Variants in SPEG observed in about 807,000 individuals in gnomAD.
The protein encoded by SPEG is striated muscle enriched protein kinase, also known as striated muscle preferentially expressed protein kinase.
A neutral mutation model predicts 300.4 loss-of-function variants in SPEG; 114 were observed. The ratio of observed to expected loss-of-function variants is 0.38; its 90% CI spans 0.33 to 0.44. The LOEUF (loss-of-function observed/expected upper bound fraction) is 0.44, where lower values mean the gene tolerates loss of function less well. Among genes scored for constraint, SPEG ranks in the 20% least tolerant of loss-of-function variants. The pLI, the probability that SPEG is intolerant of heterozygous loss-of-function variation, is 1.00. For missense variants in SPEG, 4,201 were observed against 4,586.2 expected, an observed-to-expected ratio of 0.92 and a Z score of 2.43; for synonymous variants, 1,964 against 2,018.9, an observed-to-expected ratio of 0.97 and a Z score of 0.73.
In SPEG at chr2:219,464,411, T is replaced by C. The variant is rs1482167592; in HGVS notation, c.2706-22T>C. On this transcript the variant is annotated intron_variant, in intron 8 of 40. Coordinates refer to ENST00000312358, the MANE Select transcript of SPEG (RefSeq NM_005876.5). This position sits in a 1 kb window ranked among gnomAD's most constrained non-coding sequence, Gnocchi z 4.5. ...ACATCAGGCCCCTGGGCCCTGGGAC[T>C]GAGTTCTTGCCCCTCTGACAGGCTG... The C allele has an allele frequency of 6.2e-7, 1 of 1,600,360 alleles. No individual in the cohort carries two copies. Among genetic ancestry groups the C allele is most frequent in the South Asian group, 1.1e-5 (1 of 90,226 alleles).
In SPEG at chr2:219,464,529, T is replaced by G. The variant is rs1338030366; in HGVS notation, c.2802T>G (p.Arg934=). The G allele has an allele frequency of 6.2e-7, 1 of 1,614,234 alleles. No homozygotes were observed. The highest frequency in any genetic ancestry group is 1.1e-5 in the South Asian group (1 of 91,092). The change falls in exon 9 of 41, where the codon CGT becomes CGG. Residue 934 remains arginine (R), a synonymous_variant. Transcript: ENST00000312358. The surrounding 1 kb of genome is among the most constrained non-coding windows in gnomAD (Gnocchi z 4.5). ...LCRLRILAAE[R]GDAGFYTCKA... is the part of the protein sequence containing the mutation. ...GGCTGCGGATCCTGGCTGCAGAGCG[T>G]GGCGATGCTGGTTTCTACACTTGCA...
rs1402560016 is a variant in SPEG, at chr2:219,473,444, G to C, written c.4148-60G>C. ...TGTTGATGAGGGGTGTTAGAGGAGT[G>C]GTGGGTGCTGAGGACCTGATGTCAA... On this transcript the variant is annotated intron_variant, in intron 16 of 40. Coordinates refer to ENST00000312358, the MANE Select transcript of SPEG (RefSeq NM_005876.5). The surrounding 1 kb of genome is among the most constrained non-coding windows in gnomAD (Gnocchi z 4.6). 3 of 1,522,340 alleles carry C rather than the reference G, an allele frequency of 2.0e-6. No individual in the cohort carries two copies. The Admixed American group carries it at 5.1e-5, about 26-fold the overall frequency. 94.3% of individuals were successfully genotyped at this position (1,522,340 alleles called of 1,614,324 possible). A position where few individuals can be genotyped will look rare whatever the true frequency, so the allele number is the denominator to read the frequency against.
At position 219,472,366 on chromosome 2, in the gene SPEG, A is replaced by G. The variant is rs1691960360; in HGVS notation, c.3940+35A>G. The G allele has an allele frequency of 5.1e-6, 8 of 1,574,296 alleles. No individual in the cohort carries two copies. In the East Asian group the frequency reaches 1.8e-4, roughly 35 times the overall value. On this transcript the variant is annotated intron_variant, in intron 15 of 40. Coordinates refer to ENST00000312358, the MANE Select transcript of SPEG (RefSeq NM_005876.5). ...GGCTGCACAGGGCCATGGGTGGGGAAGGGGTGTGGAGAAGGCAGGCTCAGG... is the reference window on the plus strand; with the variant it reads ...GGCTGCACAGGGCCATGGGTGGGGAGGGGGTGTGGAGAAGGCAGGCTCAGG...
At chr2:219,469,761 C>A (rs1691709488) in intron 13 of SPEG, among the ~76,000 whole-genome samples, 1 of 152,186 alleles carries the variant, frequency 6.6e-6, no homozygotes, top group Admixed American at 6.5e-5. Flanking sequence ...ACCTGGCAAG[C>A]AGCTGGGAGG....
intron 18 of SPEG, among the ~76,000 whole-genome samples, chr2:219,475,113 A>G (rs544767592): frequency 6.6e-6 from 1 of 152,114 alleles, no homozygotes; most frequent in Non-Finnish European, 1.5e-5. Flanking sequence ...TTTTTCCTTT[A>G]AAGATGTAGT....
chr2:219,489,111 C>A lies in SPEG; in HGVS notation c.8207C>A (p.Thr2736Asn). ...SGIPDCYYNV[T>N]HLPVGVTVRF... ...ATCCCCGACTGTTACTACAACGTGA[C>A]CCACCTGCCAGTTGGCGTGACTGTG... The change falls in exon 35 of 41, where the codon ACC becomes AAC. Residue 2736 changes from threonine to asparagine, a missense_variant. Thr to Asn is a moderately conservative substitution (Grantham distance 65). Transcript: ENST00000312358. The A allele has an allele frequency of 6.2e-7, 1 of 1,613,992 alleles. No homozygotes were observed. The highest frequency in any genetic ancestry group is 1.1e-5 in the South Asian group (1 of 91,084).
Position 219,493,019 on chromosome 2 carries a change from G to A in SPEG, c.*233G>A, listed in dbSNP as rs1358102297. The stretch of plus-strand genomic sequence containing the variant: ...GAGACCCATTGGTCAGGCTCAGCAG[G>A]GTGGGAACAGGCAGAGGGACAAGAG... On this transcript the variant is annotated 3_prime_UTR_variant, in exon 41 of 41. Coordinates refer to ENST00000312358, the MANE Select transcript of SPEG (RefSeq NM_005876.5). The A allele has an allele frequency of 2.9e-6, 2 of 699,664 alleles. No homozygotes were observed. The highest frequency in any genetic ancestry group is 2.0e-5 in the Admixed American group (1 of 49,848). The allele number at this position is 699,664 out of a possible 1,614,324, so 43.3% of individuals were successfully genotyped here. A position where few individuals can be genotyped will look rare whatever the true frequency, so the allele number is the denominator to read the frequency against.
chr2:219,491,141 T>C (rs1269122619), intron 38 of SPEG, among the ~76,000 whole-genome samples, 185 bp downstream of exon 38: 1 of 152,214 alleles, frequency 6.6e-6, no homozygotes, highest in Non-Finnish European at 1.5e-5. Flanking sequence ...TTAGCCCCCT[T>C]TTACAGATGA....
rs1369886972 is a variant in SPEG, at chr2:219,445,132, G to A, written c.786G>A (p.Leu262=). The A allele has an allele frequency of 2.5e-6, 4 of 1,587,206 alleles. No homozygotes were observed. Among genetic ancestry groups the A allele is most frequent in the South Asian group, 1.1e-5 (1 of 87,586 alleles). ...ASDLYGSAFS[L]YRGRALSIHV... ...ACCTGTACGGCAGCGCATTCAGCCT[G>A]TACAGAGGACGGGCGCTCTCTATCC... is the stretch of plus-strand genomic sequence containing the variant. Residue 262 remains leucine (L), a synonymous_variant, in exon 3 of 41, where the codon CTG becomes CTA. Transcript: ENST00000312358. The surrounding 1 kb of genome is among the most constrained non-coding windows in gnomAD (Gnocchi z 6.1).
intron 1 of SPEG, among the ~76,000 whole-genome samples, chr2:219,438,110 T>G (rs562090166): frequency 6.6e-6 from 1 of 151,716 alleles, no homozygotes; most frequent in African/African-American, 2.4e-5. Context: ...CCTGGAAAAT[T>G]TGGAGGATGG....
At chr2:219,442,998 A>C in intron 1 of SPEG, 1 of 879,216 alleles carries the variant, frequency 1.1e-6, no homozygotes. Context: ...TCACACACAC[A>C]CTGGCCAGGG....
intron 18 of SPEG, among the ~76,000 whole-genome samples, chr2:219,475,776 T>A (rs1022223345): frequency 1.3e-5 from 2 of 152,202 alleles, no homozygotes; most frequent in Non-Finnish European, 2.9e-5. Context: ...AGGGCTCTGA[T>A]GGGGCTGGGG....
rs756203339 is a variant in SPEG, at chr2:219,468,958, A to G, written c.3401A>G (p.Tyr1134Cys). 5 of 1,613,942 alleles carry G rather than the reference A, an allele frequency of 3.1e-6. No individual in the cohort carries two copies. The highest frequency in any genetic ancestry group is 4.2e-6 in the Non-Finnish European group (5 of 1,179,996). Residue 1134 changes from tyrosine to cysteine, a missense_variant, in exon 12 of 41, where the codon TAT (tyrosine) becomes TGT (cysteine). Around this residue, in one of 4 missense-constraint regions of SPEG, gnomAD observed 1,047 missense variants for 1,356.8 expected, o/e 0.77. Transcript: ENST00000312358. Reference sequence around the variant, plus strand: ...GTGGGCAGCGAGGACGAGGGGCTCTATGCGGTCAGTGCTGTTAACACCCAT... The same window carrying G: ...GTGGGCAGCGAGGACGAGGGGCTCTGTGCGGTCAGTGCTGTTAACACCCAT... ...AHVGSEDEGL[Y>C]AVSAVNTHGQ...
At chr2:219,463,931 G>A (rs1396147379) in intron 8 of SPEG, among the ~76,000 whole-genome samples, 1 of 152,018 alleles carries the variant, frequency 6.6e-6, no homozygotes, top group Admixed American at 6.6e-5. Context: ...AGACCAGCGT[G>A]GACAACATGG....
intron 13 of SPEG, 120 bp from the exon 14 acceptor site, chr2:219,471,748 G>T: frequency 7.9e-7 from 1 of 1,263,834 alleles, no homozygotes; most frequent in Non-Finnish European, 1.1e-6. Context: ...CCCCATCCTT[G>T]CCCACTCGCC....
intron 18 of SPEG, among the ~76,000 whole-genome samples, chr2:219,475,585 T>G (rs1692263942): frequency 1.3e-5 from 2 of 152,190 alleles, no homozygotes; most frequent in African/African-American, 2.4e-5. Context: ...TTGCCTGCCC[T>G]GTCCCTAGCA....
Position 219,481,572 on chromosome 2 carries a change from T to G in SPEG, c.5523-66T>G. 6.2e-7 allele frequency: 1 copy of G among 1,605,444 alleles called. No individual in the cohort carries two copies. Among genetic ancestry groups the G allele is most frequent in the Non-Finnish European group, 8.5e-7 (1 of 1,172,212 alleles). On this transcript the variant is annotated intron_variant, in intron 27 of 40. Transcript: ENST00000312358. This position sits in a 1 kb window ranked among gnomAD's most constrained non-coding sequence, Gnocchi z 5.4. ...GCCCCCAACTCCTTAGGAGCCCTGT[T>G]TGCTCAGTTATTGACTCACTGATGA... is the stretch of plus-strand genomic sequence containing the variant.
intron 6 of SPEG, chr2:219,461,410 C>T (rs374673474): frequency 5.0e-6 from 5 of 1,009,546 alleles, no homozygotes; most frequent in Non-Finnish European, 5.9e-6. Context: ...GACTTGTCTG[C>T]GGTGTGTGTT....
At position 219,448,011 on chromosome 2, in the gene SPEG, G is replaced by A; in HGVS notation, c.853G>A (p.Asp285Asn). Residue 285 changes from aspartate (D) to asparagine (N), a missense_variant, in exon 4 of 41, where the codon GAC (aspartate) becomes AAC (asparagine). Asp to Asn is a conservative substitution (Grantham distance 23, BLOSUM62 1). This residue lies in a region of SPEG where 1,258 missense variants were observed against 1,293.9 expected (regional missense o/e 0.97). Coordinates refer to ENST00000312358, the MANE Select transcript of SPEG (RefSeq NM_005876.5). The part of the protein sequence containing the change: ...PQSGLRREEP[D>N]LQPQLASEAP... ...GAGCGGGTTGCGCAGGGAGGAGCCCGACCTTCAGCCTCAACTGGCCAGCGA... is the reference window on the plus strand; with the variant it reads ...GAGCGGGTTGCGCAGGGAGGAGCCCAACCTTCAGCCTCAACTGGCCAGCGA... 6.2e-7 allele frequency: 1 copy of A among 1,612,476 alleles called. No individual in the cohort carries two copies. Among genetic ancestry groups the A allele is most frequent in the Non-Finnish European group, 8.5e-7 (1 of 1,179,906 alleles).
Sources: allele counts gnomAD v4.1 joint callset (sites outside exome capture counted in the v4.1 genomes callset), GRCh38; gene constraint gnomAD v4.1.1; regional missense constraint gnomAD v4.1.1; non-coding constraint Gnocchi (gnomAD v3.1); transcripts MANE v1.5; gene names NCBI Gene and HGNC (gene_info 2026-07-23, HGNC 2026-07-21).